The following ZC3H12B variants were observed in gnomAD, a reference collection of about 807,000 sequenced individuals.
ZC3H12B encodes zinc finger CCCH-type containing 12B, also known as probable ribonuclease ZC3H12B.
Under a neutral mutation model 43.9 loss-of-function variants are expected in ZC3H12B, and 7 were observed. That is an observed-to-expected ratio of 0.16 (90% CI 0.09 to 0.30). ZC3H12B has a LOEUF of 0.30. Among genes scored for constraint, ZC3H12B ranks in the 10% least tolerant of loss-of-function variants. ZC3H12B has a pLI of 1.00. For missense variants in ZC3H12B, 475 were observed against 670.2 expected (o/e 0.71, Z 3.22); for synonymous variants, 222 against 241.7 (o/e 0.92, Z 0.76).
the ZC3H12B span, among the ~76,000 whole-genome samples, chrX:65,283,085 G>C: frequency 9.0e-6 from 1 of 111,340 alleles, no homozygotes; most frequent in African/African-American, 3.3e-5. Flanking sequence ...TAAAATTCTC[G>C]CAAACCGAAT....
the ZC3H12B span, chrX:65,185,384 T>G: frequency 1.8e-5 from 2 of 112,107 alleles, no homozygotes; most frequent in Non-Finnish European, 1.9e-5. Context: ...TCTTGCAGCT[T>G]TCTTCAAAAT....
the ZC3H12B span, chrX:65,271,676 G>T: frequency 8.9e-6 from 1 of 112,409 alleles, no homozygotes; most frequent in Non-Finnish European, 1.9e-5. Context: ...CTTTACAGAT[G>T]ATATGGATCT....
chrX:65,229,928 C>A, the ZC3H12B span, among the ~76,000 whole-genome samples: 1 of 111,569 alleles, frequency 9.0e-6, no homozygotes, highest in Non-Finnish European at 1.9e-5. Flanking sequence ...CACTTTTACA[C>A]TGTTGGTGGG....
At position 65,382,132 on chromosome X, in the gene ZC3H12B, G is replaced by T. The variant is rs749980185; in HGVS notation, n.295+13134G>T. Among the ~76,000 whole-genome samples the T allele has an allele frequency of 6.3e-5, 7 of 111,140 alleles. No homozygotes were observed. The South Asian group carries it at 1.1e-3, about 18-fold the overall frequency. ...CCAGCATCATCCTGATACCAAAGCCGGGCAGAGACACAACCAAAAAAGAGA... is the reference window on the plus strand; with the variant it reads ...CCAGCATCATCCTGATACCAAAGCCTGGCAGAGACACAACCAAAAAAGAGA... On this transcript the variant is annotated intron_variant and non_coding_transcript_variant, in intron 2 of 5. Transcript: ENST00000617377.
the ZC3H12B span, among the ~76,000 whole-genome samples, chrX:65,193,410 C>T: frequency 1.8e-5 from 2 of 111,522 alleles, no homozygotes; most frequent in East Asian, 5.6e-4. Flanking sequence ...TCTAAATTTT[C>T]CAATTTATTG....
chrX:65,149,366 T>C, the ZC3H12B span, among the ~76,000 whole-genome samples: 2 of 112,263 alleles, frequency 1.8e-5, no homozygotes, highest in Admixed American at 9.5e-5. Context: ...GTCAGTTATA[T>C]AAAAATGTGA....
At chrX:65,325,198 A>G in the ZC3H12B span, among the ~76,000 whole-genome samples, 2 of 111,269 alleles carry the variant, frequency 1.8e-5, no homozygotes, top group African/African-American at 6.5e-5. Context: ...GAATAATAGA[A>G]AAATGCCCAC....
At chrX:65,068,406 T>A in the ZC3H12B span, among the ~76,000 whole-genome samples, 3 of 111,031 alleles carry the variant, frequency 2.7e-5, no homozygotes, top group Admixed American at 2.9e-4. Context: ...GAGGTTACAA[T>A]GAGGCTTGGA....
At chrX:65,069,752 A>G in the ZC3H12B span, among the ~76,000 whole-genome samples, 3 of 111,992 alleles carry the variant, frequency 2.7e-5, no homozygotes, top group Admixed American at 2.8e-4. Context: ...GAATTGCACT[A>G]ATTGATTTGC....
intron 2 of ZC3H12B, among the ~76,000 whole-genome samples, chrX:65,383,860 C>A (rs1569386313): frequency 9.3e-6 from 1 of 107,889 alleles, no homozygotes; most frequent in African/African-American, 3.4e-5. Context: ...ATTAAAAAGT[C>A]AGGAAACAAC....
At chrX:65,196,668 A>G in the ZC3H12B span, among the ~76,000 whole-genome samples, 1 of 111,259 alleles carries the variant, frequency 9.0e-6, no homozygotes, top group African/African-American at 3.3e-5. Context: ...AACAGCTTTA[A>G]TGTTATGGGC....
At chrX:65,171,843 A>G in the ZC3H12B span, among the ~76,000 whole-genome samples, 1 of 111,159 alleles carries the variant, frequency 9.0e-6, no homozygotes, top group Non-Finnish European at 1.9e-5. Flanking sequence ...CTCCGAGACA[A>G]GTGTGGGATA....
At chrX:65,065,134 C>G in the ZC3H12B span, among the ~76,000 whole-genome samples, 2 of 110,453 alleles carry the variant, frequency 1.8e-5, no homozygotes, top group East Asian at 5.6e-4. Context: ...GCATTTAGCC[C>G]ATTTACTTTT....
At chrX:65,397,227 T>C (rs1466981421) in intron 2 of ZC3H12B, among the ~76,000 whole-genome samples, 1 of 112,021 alleles carries the variant, frequency 8.9e-6, no homozygotes, top group Non-Finnish European at 1.9e-5. Context: ...TATGTGAACT[T>C]GATCCTGTCA....
the ZC3H12B span, among the ~76,000 whole-genome samples, chrX:65,216,388 G>A: frequency 9.0e-6 from 1 of 111,224 alleles, no homozygotes; most frequent in Non-Finnish European, 1.9e-5. Context: ...TCAACACTGG[G>A]CAGAACTTTG....
chrX:65,408,547 C>T lies in ZC3H12B; in HGVS notation n.407+9843C>T, dbSNP rs367834621. On this transcript the variant is annotated intron_variant and non_coding_transcript_variant, in intron 3 of 5. Transcript: ENST00000617377. ...CTTCGGGACTTCAGCCTCCTGGAAT[C>T]CCGCCCCTCGGGGGCAGTGCCGGTC... is the stretch of plus-strand genomic sequence containing the variant. 3.7e-5 allele frequency: 44 copies of T among 1,198,123 alleles called. No homozygotes were observed. In the East Asian group the frequency reaches 6.0e-4, roughly 16 times the overall value.
chrX:65,129,525 C>T, the ZC3H12B span, among the ~76,000 whole-genome samples: 3 of 109,557 alleles, frequency 2.7e-5, no homozygotes. Context: ...AGTGGGGGAG[C>T]TTCTGAGCCA....
chrX:65,082,075 T>A, the ZC3H12B span, among the ~76,000 whole-genome samples: 1 of 111,294 alleles, frequency 9.0e-6, no homozygotes, highest in African/African-American at 3.3e-5. Flanking sequence ...TTAAAACAAA[T>A]GAAAATGGAA....
At chrX:65,219,421 A>T in the ZC3H12B span, among the ~76,000 whole-genome samples, 1 of 111,821 alleles carries the variant, frequency 8.9e-6, no homozygotes, top group African/African-American at 3.3e-5. Flanking sequence ...ACAGGATATG[A>T]ATGGGGAAAA....
Sources: allele counts gnomAD v4.1 joint callset (sites outside exome capture counted in the v4.1 genomes callset), GRCh38; gene constraint gnomAD v4.1.1; transcripts MANE v1.5; gene names NCBI Gene and HGNC (gene_info 2026-07-23, HGNC 2026-07-21).